Variants in CDH13 observed in about 807,000 individuals in gnomAD.
The protein encoded by CDH13 is cadherin 13.
A neutral mutation model predicts 63.8 loss-of-function variants in CDH13; 24 were observed. The ratio of observed to expected loss-of-function variants is 0.38; its 90% CI spans 0.27 to 0.53. The LOEUF (loss-of-function observed/expected upper bound fraction) is 0.53. Ranked by LOEUF, CDH13 falls within the 20% of genes least tolerant of loss-of-function variation. The pLI, the probability that CDH13 is intolerant of heterozygous loss-of-function variation, is 0.85. For missense variants in CDH13, 1,049 were observed against 903.1 expected, an observed-to-expected ratio of 1.16 and a Z score of -2.07; for synonymous variants, 503 against 355.3, an observed-to-expected ratio of 1.42 and a Z score of -4.67.
intron 4 of CDH13, among the ~76,000 whole-genome samples, chr16:83,175,578 C>A (rs7500620): frequency 0.23 from 34,667 of 151,856 alleles, 4,300 homozygotes; most frequent in Non-Finnish European, 0.26. Flanking sequence ...CTGAACAAAC[C>A]CCTGTGTTGT....
intron 10 of CDH13, among the ~76,000 whole-genome samples, chr16:83,730,061 T>A (rs1910868965): frequency 1.3e-5 from 2 of 152,254 alleles, no homozygotes; most frequent in Admixed American, 6.5e-5. Context: ...ACTTCGTATG[T>A]GTTGTCATCT....
At chr16:82,885,674 A>G (rs1277872276) in intron 2 of CDH13, among the ~76,000 whole-genome samples, 7 of 152,198 alleles carry the variant, frequency 4.6e-5, no homozygotes, top group Middle Eastern at 3.4e-3. Context: ...AAATAATAGT[A>G]TCTTTAAAAT....
chr16:83,687,845 T>C (rs768297079), intron 10 of CDH13, among the ~76,000 whole-genome samples: 29 of 152,240 alleles, frequency 1.9e-4, no homozygotes, highest in Non-Finnish European at 3.4e-4. Flanking sequence ...TTGATCCAAA[T>C]TGAGCCTATT....
At chr16:83,214,746 A>G (rs1053081939) in intron 4 of CDH13, among the ~76,000 whole-genome samples, 27 of 152,104 alleles carry the variant, frequency 1.8e-4, no homozygotes, top group Admixed American at 4.6e-4. Context: ...CATGTACTTT[A>G]TAGATGCCAT....
At chr16:83,227,164 G>C (rs1458160577) in intron 5 of CDH13, among the ~76,000 whole-genome samples, 1 of 152,168 alleles carries the variant, frequency 6.6e-6, no homozygotes, top group East Asian at 1.9e-4. Context: ...CAAACGATTG[G>C]GTCAGAACCC....
chr16:82,876,893 G>A lies in CDH13; in HGVS notation c.157+18420G>A, dbSNP rs185865479. 6.5e-4 allele frequency among the ~76,000 whole-genome samples: 99 copies of A among 152,264 alleles called. 1 individual carries two copies. Among genetic ancestry groups the A allele is most frequent in the African/African-American group, 2.3e-3 (95 of 41,566 alleles). ...GAGGACTTGGGCAGTGCTGAGCTCT[G>A]ACCATAGAAAAAAAGTATCTGGGAA... On this transcript the variant is annotated intron_variant, in intron 2 of 13. Coordinates refer to ENST00000567109, the MANE Select transcript of CDH13 (RefSeq NM_001257.5).
chr16:83,527,657 A>G (rs2074995193), intron 7 of CDH13, among the ~76,000 whole-genome samples: 1 of 152,154 alleles, frequency 6.6e-6, no homozygotes. Flanking sequence ...GTGATGATAT[A>G]TACACCTGAC....
rs756935099 is a variant in CDH13, at chr16:83,263,445, T to C, written c.636+45948T>C. On this transcript the variant is annotated intron_variant, in intron 5 of 13. Transcript: ENST00000567109. Reference sequence around the variant, plus strand: ...CCTCCTGGTTCTTCCTCTTGAGATATGCAGAGATCTACCAACCACATCACA... The same window carrying C: ...CCTCCTGGTTCTTCCTCTTGAGATACGCAGAGATCTACCAACCACATCACA... Among the ~76,000 whole-genome samples the C allele has an allele frequency of 1.3e-3, 200 of 152,286 alleles. 1 individual carries two copies. In the Middle Eastern group the frequency reaches 0.014, roughly 10 times the overall value.
At chr16:83,553,072 C>T (rs1182828963) in intron 7 of CDH13, among the ~76,000 whole-genome samples, 1 of 98,188 alleles carries the variant, frequency 1.0e-5, no homozygotes, top group Non-Finnish European at 2.3e-5. Flanking sequence ...GAGTGAGACT[C>T]CATCTCAAAA....
intron 10 of CDH13, among the ~76,000 whole-genome samples, chr16:83,685,664 A>G (rs905242676): frequency 2.6e-5 from 4 of 152,218 alleles, no homozygotes; most frequent in Non-Finnish European, 4.4e-5. Flanking sequence ...GGGAGAGAGG[A>G]AGGGAAGAAG....
chr16:82,902,006 A>C (rs563868820), intron 2 of CDH13, among the ~76,000 whole-genome samples: 1 of 152,346 alleles, frequency 6.6e-6, no homozygotes, highest in East Asian at 1.9e-4. Flanking sequence ...TGACTTGTCC[A>C]AGGTCACATA....
intron 11 of CDH13, among the ~76,000 whole-genome samples, chr16:83,751,881 G>A (rs1022840756): frequency 6.6e-6 from 1 of 152,228 alleles, no homozygotes; most frequent in African/African-American, 2.4e-5. Flanking sequence ...TTCGGAGGGT[G>A]GGTGTTGAGA....
At chr16:83,698,630 T>C (rs988026540) in intron 10 of CDH13, among the ~76,000 whole-genome samples, 5 of 152,358 alleles carry the variant, frequency 3.3e-5, no homozygotes, top group African/African-American at 1.2e-4. Flanking sequence ...AGGAGGATGC[T>C]TAGCCCTAAC....
At chr16:83,502,293 T>A (rs1221591644) in intron 7 of CDH13, among the ~76,000 whole-genome samples, 3 of 152,032 alleles carry the variant, frequency 2.0e-5, no homozygotes, top group Non-Finnish European at 2.9e-5. Context: ...AATGGCTGGG[T>A]TGGAGATTTA....
intron 1 of CDH13, among the ~76,000 whole-genome samples, chr16:82,645,306 C>A (rs748889631): frequency 6.6e-6 from 1 of 152,156 alleles, no homozygotes; most frequent in Admixed American, 6.5e-5. Context: ...GTTTTCAACT[C>A]CATCCAGAAT....
At chr16:82,782,170 G>A (rs1165523237) in intron 1 of CDH13, among the ~76,000 whole-genome samples, 1 of 152,168 alleles carries the variant, frequency 6.6e-6, no homozygotes, top group Non-Finnish European at 1.5e-5. Flanking sequence ...GTATTATTAG[G>A]GCACCAGGCA....
chr16:83,763,146 T>A (rs1307927840), intron 11 of CDH13, among the ~76,000 whole-genome samples: 1 of 152,172 alleles, frequency 6.6e-6, no homozygotes, highest in Admixed American at 6.5e-5. Flanking sequence ...AGCAGCATGT[T>A]TTCATGACTT....
chr16:82,666,675 G>A (rs147719458), intron 1 of CDH13, among the ~76,000 whole-genome samples: 59 of 152,338 alleles, frequency 3.9e-4, no homozygotes, highest in African/African-American at 1.4e-3. Flanking sequence ...GAGGCACGAA[G>A]AACATCTTTC....
chr16:82,693,124 A>C (rs1021262958), intron 1 of CDH13, among the ~76,000 whole-genome samples: 4 of 152,184 alleles, frequency 2.6e-5, no homozygotes, highest in African/African-American at 9.6e-5. Context: ...AATAGCCTCA[A>C]AGGAAATGAA....
Sources: gnomAD v4.1 joint callset for allele counts (sites outside exome capture counted in the v4.1 genomes callset) on GRCh38, gnomAD v4.1.1 for gene constraint, MANE v1.5 for transcripts, NCBI Gene and HGNC (gene_info 2026-07-23, HGNC 2026-07-21) for gene names.